Variants in BCL2L14 observed in about 807,000 individuals in gnomAD.
The protein encoded by BCL2L14 is BCL2 like 14.
A neutral mutation model predicts 35.3 loss-of-function variants in BCL2L14; 27 were observed. The ratio of observed to expected loss-of-function variants is 0.76; its 90% confidence interval spans 0.56 to 1.05. The LOEUF (loss-of-function observed/expected upper bound fraction) is 1.05. BCL2L14 is among the 50% of genes least tolerant of loss of function. The pLI is 0.00. For missense variants in BCL2L14, 377 were observed against 382.6 expected, an observed-to-expected ratio of 0.99 and a Z score of 0.12; for synonymous variants, 139 against 145.9, an observed-to-expected ratio of 0.95 and a Z score of 0.34.
intron 2 of BCL2L14, among the ~76,000 whole-genome samples, chr12:12,060,479 C>T (rs1314465633): frequency 9.3e-6 from 1 of 107,210 alleles, no homozygotes; most frequent in Non-Finnish European, 2.0e-5. Context: ...AATTCCGGCC[C>T]TCAAACCCCA....
chr12:12,090,681 C>A, intron 3 of BCL2L14, 98 bp from the exon 4 acceptor site: 1 of 848,744 alleles, frequency 1.2e-6, no homozygotes, highest in South Asian at 1.8e-5. Context: ...GCCTCTTCCT[C>A]CAGCCCTTAC....
At chr12:12,082,516 T>G (rs559554728) in intron 2 of BCL2L14, among the ~76,000 whole-genome samples, 6 of 152,362 alleles carry the variant, frequency 3.9e-5, no homozygotes, top group African/African-American at 1.2e-4. Context: ...CTGAGATAAA[T>G]TGCATTCTGT....
At chr12:12,077,553 A>AAG (rs1003617818) in intron 1 of BCL2L14, among the ~76,000 whole-genome samples, 6 of 151,336 alleles carry the variant, frequency 4.0e-5, no homozygotes, top group African/African-American at 1.5e-4. Context: ...AAAAAAAAAA[A>AAG]AGAGAGCCTG....
chr12:12,073,137 A>G (rs1004751443), intron 1 of BCL2L14, among the ~76,000 whole-genome samples: 3 of 152,148 alleles, frequency 2.0e-5, no homozygotes, highest in African/African-American at 7.2e-5. Flanking sequence ...GGCCTCCCAA[A>G]GTGCTGGGAT....
chr12:12,053,920 C>T (rs1436472889), intron 2 of BCL2L14, among the ~76,000 whole-genome samples: 4 of 152,056 alleles, frequency 2.6e-5, no homozygotes, highest in African/African-American at 9.7e-5. Flanking sequence ...TTGGGTTTTA[C>T]GTTGAACCCT....
At chr12:12,053,684 G>A (rs1372308623) in intron 2 of BCL2L14, among the ~76,000 whole-genome samples, 1 of 152,170 alleles carries the variant, frequency 6.6e-6, no homozygotes, top group Non-Finnish European at 1.5e-5. Context: ...CAAAGTGCTG[G>A]GATTACAGGC....
chr12:12,057,427 C>T (rs762330007), intron 2 of BCL2L14, among the ~76,000 whole-genome samples: 1 of 152,146 alleles, frequency 6.6e-6, no homozygotes. Flanking sequence ...TTTTTCCCTA[C>T]GCCAAAGTCA....
At chr12:12,058,490 G>A (rs1948467407) in intron 2 of BCL2L14, among the ~76,000 whole-genome samples, 1 of 152,118 alleles carries the variant, frequency 6.6e-6, no homozygotes, top group South Asian at 2.1e-4. Context: ...TACCACAAAA[G>A]AAGTGAAAAT....
chr12:12,079,574 A>G lies in BCL2L14; in HGVS notation c.269A>G (p.Lys90Arg), dbSNP rs772532155. 3.1e-6 allele frequency: 5 copies of G among 1,614,114 alleles called. No homozygotes were observed. The African/African-American group carries it at 6.7e-5, about 22-fold the overall frequency. The change falls in exon 2 of 6, where the codon AAG (lysine) becomes AGG (arginine). Residue 90 changes from lysine to arginine, a missense_variant. Coordinates refer to ENST00000308721, the MANE Select transcript of BCL2L14 (RefSeq NM_138723.2). ...AAGGCCATAAACCTTGGCAAGAAAA[A>G]GTCTTCTTGGAAAGCATTCTTTGGA... ...SEKAINLGKKKSSWKAFFGVV... is the reference protein window; with the variant it reads ...SEKAINLGKKRSSWKAFFGVV...
intron 3 of BCL2L14, among the ~76,000 whole-genome samples, chr12:12,089,672 T>C (rs1591833316): frequency 6.6e-6 from 1 of 152,210 alleles, no homozygotes; most frequent in Admixed American, 6.5e-5. Context: ...CACTCCAGCC[T>C]GGGTGACAGA....
intron 1 of BCL2L14, among the ~76,000 whole-genome samples, chr12:12,050,432 C>CAAAAAA (rs774928633): frequency 4.3e-5 from 3 of 70,084 alleles, no homozygotes; most frequent in Non-Finnish European, 6.3e-5. Context: ...GACACCATCT[C>CAAAAAA]AAAAAAAAAA....
intron 5 of BCL2L14, chr12:12,096,143 A>G: frequency 1.0e-6 from 1 of 985,228 alleles, no homozygotes; most frequent in Non-Finnish European, 1.2e-6. Context: ...TCATGTTTGC[A>G]CCATAATAAT....
chr12:12,061,249 C>G (rs1261074740), intron 2 of BCL2L14, among the ~76,000 whole-genome samples: 1 of 151,770 alleles, frequency 6.6e-6, no homozygotes, highest in Non-Finnish European at 1.5e-5. Flanking sequence ...CCTTCACATC[C>G]TCCCCTTGTA....
At chr12:12,080,897 A>G (rs901687989) in intron 2 of BCL2L14, among the ~76,000 whole-genome samples, 2 of 152,000 alleles carry the variant, frequency 1.3e-5, no homozygotes, top group African/African-American at 4.8e-5. Context: ...TTAATGAAAC[A>G]TTTTCACCAG....
upstream of BCL2L14, among the ~76,000 whole-genome samples, chr12:12,070,747 A>G (rs1333257655): frequency 6.6e-6 from 1 of 152,202 alleles, no homozygotes; most frequent in Non-Finnish European, 1.5e-5. Context: ...ACATTTGTTT[A>G]ACTAACAACT....
At chr12:12,090,673 C>T in intron 3 of BCL2L14, 106 bp from the exon 4 acceptor site, 1 of 718,960 alleles carries the variant, frequency 1.4e-6, no homozygotes. Context: ...ATTAGCATGC[C>T]TCTTCCTCCA....
chr12:12,058,771 C>A (rs528326361), intron 2 of BCL2L14, among the ~76,000 whole-genome samples: 6 of 152,144 alleles, frequency 3.9e-5, no homozygotes, highest in South Asian at 2.1e-4. Flanking sequence ...CTCTTCACAC[C>A]GACGCGCATG....
rs1949380418 is a variant in BCL2L14 at position 12,099,308 on chromosome 12, G to A, written c.*320G>A. The stretch of plus-strand genomic sequence containing the variant: ...TCCTGCCTTTGTTAGCTGCTGTAGG[G>A]AAAGTGCGTTACAGATGTCTGCTGA... On this transcript the variant is annotated 3_prime_UTR_variant, in exon 6 of 6. Transcript: ENST00000308721. The A allele has an allele frequency of 6.1e-6, 2 of 328,316 alleles. No homozygotes were observed. The highest frequency in any genetic ancestry group is 4.7e-5 in the Admixed American group (1 of 21,218). The allele number at this position is 328,316 out of a possible 1,614,324, so 20.3% of individuals were successfully genotyped here. A position where few individuals can be genotyped will look rare whatever the true frequency, so the allele number is the denominator to read the frequency against.
intron 5 of BCL2L14, chr12:12,095,428 C>T (rs1032765195): frequency 2.4e-5 from 24 of 985,196 alleles, no homozygotes; most frequent in South Asian, 4.7e-5. Context: ...AAATAAAAAG[C>T]CAACAGTTAA....
Sources: gnomAD v4.1 joint callset for allele counts (sites outside exome capture counted in the v4.1 genomes callset) on GRCh38, gnomAD v4.1.1 for gene constraint, MANE v1.5 for transcripts, NCBI Gene and HGNC (gene_info 2026-07-23, HGNC 2026-07-21) for gene names.